The following RO60 variants were observed in gnomAD, a reference collection of about 807,000 sequenced individuals.
RO60 encodes the protein RNA-binding protein RO60.
RO60 carries 20 observed loss-of-function variants against 55.3 expected under a neutral mutation model. The ratio of observed to expected loss-of-function variants is 0.36; its 90% confidence interval spans 0.25 to 0.53. The LOEUF is 0.53. Among genes scored for constraint, RO60 ranks in the 20% least tolerant of loss-of-function variants. RO60 has a pLI of 0.92. For synonymous variants in RO60, 213 were observed against 213.6 expected (o/e 1.00, Z 0.02); for missense variants, 558 against 646.6 (o/e 0.86, Z 1.49).
chr1:193,077,517 G>T (rs1347748084), intron 5 of RO60, among the ~76,000 whole-genome samples: 1 of 152,138 alleles, frequency 6.6e-6, no homozygotes, highest in Non-Finnish European at 1.5e-5. Context: ...TGAGCATAAG[G>T]GGGGAAGCTC....
At position 193,082,562 on chromosome 1, in the gene RO60, A is replaced by C; in HGVS notation, c.1318A>C (p.Ile440Leu). Residue 440 changes from isoleucine (I) to leucine (L), a missense_variant and splice_region_variant, in exon 8 of 9, where the codon ATC (isoleucine) becomes CTC (leucine). Coordinates refer to ENST00000400968, the MANE Select transcript of RO60 (RefSeq NM_001173524.2). ...LQQVLMAMSQ[I>L]PAGGTDCSLP... ...TATTCATGCTTTTGTTCCGAATTAG[A>C]TCCCAGCAGGTGGAACTGATTGCTC... 4 of 1,613,712 alleles carry C rather than the reference A, an allele frequency of 2.5e-6. No individual in the cohort carries two copies. The highest frequency in any genetic ancestry group is 3.4e-6 in the Non-Finnish European group (4 of 1,179,814).
At chr1:193,070,607 G>A (rs1239157277) in intron 2 of RO60, 1 of 446,468 alleles carries the variant, frequency 2.2e-6, no homozygotes, top group Non-Finnish European at 4.5e-6. Flanking sequence ...TCAGTTCTGT[G>A]GACTTAAGCC....
rs777057226 is a variant in RO60 at position 193,085,032 on chromosome 1, C to T, written c.*301C>T. 1 of 1,531,326 alleles carries T rather than the reference C, an allele frequency of 6.5e-7. No homozygotes were observed. Among genetic ancestry groups the T allele is most frequent in the South Asian group, 1.2e-5 (1 of 81,976 alleles). The allele number at this position is 1,531,326 out of a possible 1,614,324, so 94.9% of individuals were successfully genotyped here. On this transcript the variant is annotated 3_prime_UTR_variant, in exon 9 of 9. Transcript: ENST00000400968. ...GCTTTGTTGAATAATACGTGTGTACCTAAAAGAGGTAAGAGCAAAAAGTGT... is the reference window on the plus strand; with the variant it reads ...GCTTTGTTGAATAATACGTGTGTACTTAAAAGAGGTAAGAGCAAAAAGTGT...
Position 193,088,250 on chromosome 1 carries a change from G to A in RO60, c.*3519G>A. Reference sequence around the variant, plus strand: ...TGGTGTCAAACTCCTGGGCTCAAGGGATCTTCCTGCCTTGGCCTCCCGAAG... The same window carrying A: ...TGGTGTCAAACTCCTGGGCTCAAGGAATCTTCCTGCCTTGGCCTCCCGAAG... On this transcript the variant is annotated 3_prime_UTR_variant, in exon 9 of 9. Transcript: ENST00000400968. 6.9e-6 allele frequency: 1 copy of A among 144,698 alleles called. No individual in the cohort carries two copies. The highest frequency in any genetic ancestry group is 2.6e-5 in the African/African-American group (1 of 38,304). 9.0% of individuals were successfully genotyped at this position (144,698 alleles called of 1,614,324 possible). A position where few individuals can be genotyped will look rare whatever the true frequency, so the allele number is the denominator to read the frequency against.
Position 193,076,057 on chromosome 1 carries a change from T to A in RO60, c.801+17T>A, listed in dbSNP as rs762927150. The A allele has an allele frequency of 6.5e-7, 1 of 1,537,042 alleles. No homozygotes were observed. The highest frequency in any genetic ancestry group is 8.9e-7 in the Non-Finnish European group (1 of 1,124,608). On this transcript the variant is annotated intron_variant, in intron 3 of 8. Transcript: ENST00000400968. The stretch of plus-strand genomic sequence containing the variant: ...TCTAAAGAGGTGAGTGAATTATATG[T>A]TACAGCATGTGATTAAACATGAGTA...
At chr1:193,065,529 G>C (rs1382930690) in intron 1 of RO60, among the ~76,000 whole-genome samples, 2 of 152,168 alleles carry the variant, frequency 1.3e-5, no homozygotes, top group Non-Finnish European at 2.9e-5. Flanking sequence ...AAAGCTGAGG[G>C]AGAGACTAGC....
chr1:193,060,301 G>T, intron 1 of RO60: 1 of 322,376 alleles, frequency 3.1e-6, no homozygotes, highest in Non-Finnish European at 6.0e-6. Context: ...CAAATGTCGT[G>T]TATTAATCTA....
chr1:193,084,877 AAG>A lies in RO60; in HGVS notation c.*148_*149del. On this transcript the variant is annotated 3_prime_UTR_variant, in exon 9 of 9. Coordinates refer to ENST00000400968, the MANE Select transcript of RO60 (RefSeq NM_001173524.2). ...AAAGTTACCTTACTGAAAAAAAAAAAAGAAGGAAAAATAAGATGGGCCCAAAG... is the reference window on the plus strand; with the variant it reads ...AAAGTTACCTTACTGAAAAAAAAAAAAAGGAAAAATAAGATGGGCCCAAAG... 6.8e-7 allele frequency: 1 copy of A among 1,473,556 alleles called. No homozygotes were observed. The highest frequency in any genetic ancestry group is 1.4e-5 in the South Asian group (1 of 70,726). 91.3% of individuals were successfully genotyped at this position (1,473,556 alleles called of 1,614,324 possible). A position where few individuals can be genotyped will look rare whatever the true frequency, so the allele number is the denominator to read the frequency against.
intron 1 of RO60, among the ~76,000 whole-genome samples, chr1:193,067,465 G>A (rs557296532): frequency 6.6e-6 from 1 of 152,050 alleles, no homozygotes; most frequent in African/African-American, 2.4e-5. Context: ...GATTACAGGC[G>A]TGAGCCACTG....
At chr1:193,070,453 G>C in intron 2 of RO60, 1 of 308,548 alleles carries the variant, frequency 3.2e-6, no homozygotes, top group East Asian at 9.2e-5. Context: ...TTTAAGAAAA[G>C]AAATAAGAAA....
In RO60 at chr1:193,085,324, G is replaced by T; in HGVS notation, c.*593G>T. 1 of 1,029,022 alleles carries T rather than the reference G, an allele frequency of 9.7e-7. No individual in the cohort carries two copies. The highest frequency in any genetic ancestry group is 4.5e-5 in the South Asian group (1 of 22,132). The allele number at this position is 1,029,022 out of a possible 1,614,324, so 63.7% of individuals were successfully genotyped here. On this transcript the variant is annotated 3_prime_UTR_variant, in exon 9 of 9. Coordinates refer to ENST00000400968, the MANE Select transcript of RO60 (RefSeq NM_001173524.2). ...AACAGCTTTCTTATTCAGTGAAAAAGATATTTTATTTCTGATGTTTTATTT... is the reference window on the plus strand; with the variant it reads ...AACAGCTTTCTTATTCAGTGAAAAATATATTTTATTTCTGATGTTTTATTT...
chr1:193,073,728 C>A lies in RO60; in HGVS notation c.581-2092C>A, dbSNP rs756773862. ...AGCTGGTATTACAGGCATGTGCCACCACGCCCAGCTAATTTTTTTTTATTA... is the reference window on the plus strand; with the variant it reads ...AGCTGGTATTACAGGCATGTGCCACAACGCCCAGCTAATTTTTTTTTATTA... On this transcript the variant is annotated intron_variant, in intron 2 of 8. Transcript: ENST00000400968. Among the ~76,000 whole-genome samples, 95 of 152,288 alleles carry A rather than the reference C, an allele frequency of 6.2e-4. 1 individual carries two copies. Among genetic ancestry groups the A allele is most frequent in the Non-Finnish European group, 1.2e-3 (80 of 68,028 alleles).
In RO60 at chr1:193,087,940, G is replaced by C. The variant is rs868182420; in HGVS notation, c.*3209G>C. The stretch of plus-strand genomic sequence containing the variant: ...AAAGTCACTATTCTCTACTGAAGAG[G>C]GAGAAAAAATATACTCCAAGATCTT... On this transcript the variant is annotated 3_prime_UTR_variant, in exon 9 of 9. Transcript: ENST00000400968. 3 of 151,644 alleles carry C rather than the reference G, an allele frequency of 2.0e-5. No individual in the cohort carries two copies. Among genetic ancestry groups the C allele is most frequent in the African/African-American group, 7.3e-5 (3 of 41,276 alleles). 9.4% of individuals were successfully genotyped at this position (151,644 alleles called of 1,614,324 possible). A position where few individuals can be genotyped will look rare whatever the true frequency, so the allele number is the denominator to read the frequency against.
chr1:193,073,059 G>A (rs1246126784), intron 2 of RO60, among the ~76,000 whole-genome samples: 1 of 152,164 alleles, frequency 6.6e-6, no homozygotes, highest in Non-Finnish European at 1.5e-5. Context: ...GACAAAACAA[G>A]TCAAAATGTG....
chr1:193,089,275 G>A lies in RO60; in HGVS notation c.*4544G>A, dbSNP rs1309675451. ...CTGATTACTCTTTCAGAAAATAGCA[G>A]GTGTCTCAATGCTTTTTTTCCATAA... On this transcript the variant is annotated 3_prime_UTR_variant, in exon 9 of 9. Coordinates refer to ENST00000400968, the MANE Select transcript of RO60 (RefSeq NM_001173524.2). The A allele has an allele frequency of 1.3e-5, 2 of 152,024 alleles. No homozygotes were observed. Among genetic ancestry groups the A allele is most frequent in the Non-Finnish European group, 2.9e-5 (2 of 67,976 alleles). 9.4% of individuals were successfully genotyped at this position (152,024 alleles called of 1,614,324 possible).
At position 193,089,651 on chromosome 1, in the gene RO60, G is replaced by A. The variant is rs1301026915; in HGVS notation, c.*4920G>A. 2 of 151,954 alleles carry A rather than the reference G, an allele frequency of 1.3e-5. No individual in the cohort carries two copies. Among genetic ancestry groups the A allele is most frequent in the South Asian group, 2.1e-4 (1 of 4,826 alleles). The allele number at this position is 151,954 out of a possible 1,614,324, so 9.4% of individuals were successfully genotyped here. On this transcript the variant is annotated 3_prime_UTR_variant, in exon 9 of 9. Transcript: ENST00000400968. The stretch of plus-strand genomic sequence containing the variant: ...TAGAAAATTCTATTGTGGAAATTAC[G>A]ATGATTATTTTCAGTGAGAATGAAT...
intron 5 of RO60, among the ~76,000 whole-genome samples, chr1:193,077,717 G>A (rs576882652): frequency 6.6e-6 from 1 of 152,090 alleles, no homozygotes; most frequent in African/African-American, 2.4e-5. Flanking sequence ...TTGGCAGAAG[G>A]GGGAATATGG....
At chr1:193,078,563 T>C (rs1204399875) in intron 5 of RO60, among the ~76,000 whole-genome samples, 1 of 152,102 alleles carries the variant, frequency 6.6e-6, no homozygotes, top group African/African-American at 2.4e-5. Flanking sequence ...CACATAAAAA[T>C]CAGTTGTATT....
At position 193,059,863 on chromosome 1, in the gene RO60, C is replaced by G; in HGVS notation, c.-22+87C>G. The G allele has an allele frequency of 5.1e-6, 7 of 1,364,152 alleles. No homozygotes were observed. The highest frequency in any genetic ancestry group is 6.9e-6 in the Non-Finnish European group (7 of 1,020,856). 84.5% of individuals were successfully genotyped at this position (1,364,152 alleles called of 1,614,324 possible). ...CTGACCAGTCCTCCATGTCTCTCACCCGCATCCCAGGGGTTGAGGCTGGGC... is the reference window on the plus strand; with the variant it reads ...CTGACCAGTCCTCCATGTCTCTCACGCGCATCCCAGGGGTTGAGGCTGGGC... On this transcript the variant is annotated intron_variant, in intron 1 of 8. Coordinates refer to ENST00000400968, the MANE Select transcript of RO60 (RefSeq NM_001173524.2). The surrounding 1 kb of genome is among the most constrained non-coding windows in gnomAD (Gnocchi z 4.9).
Sources: gnomAD v4.1 joint callset for allele counts (sites outside exome capture counted in the v4.1 genomes callset) on GRCh38, gnomAD v4.1.1 for gene constraint, Gnocchi (gnomAD v3.1) non-coding constraint, MANE v1.5 for transcripts, NCBI Gene and HGNC (gene_info 2026-07-23, HGNC 2026-07-21) for gene names.